IPO11: variants seen among roughly 807,000 people sequenced by gnomAD.
IPO11 encodes importin-11.
A neutral mutation model predicts 143.2 loss-of-function variants in IPO11; 66 were observed. The ratio of observed to expected loss-of-function variants is 0.46; its 90% confidence interval spans 0.38 to 0.57. IPO11 has a LOEUF of 0.57. Ranked by LOEUF, IPO11 falls within the 20% of genes least tolerant of loss-of-function variation. IPO11 has a pLI of 0.00. For synonymous variants in IPO11, 385 were observed against 377.8 expected (o/e 1.02, Z -0.22); for missense variants, 1,026 against 1,141.0 (o/e 0.90, Z 1.45).
chr5:62,555,266 G>T (rs1308990341), intron 26 of IPO11, among the ~76,000 whole-genome samples: 2 of 149,464 alleles, frequency 1.3e-5, no homozygotes, highest in African/African-American at 2.5e-5. Context: ...TGTATTTTTT[G>T]TATTTTTTTT....
At chr5:62,419,010 C>T (rs776513732) in intron 1 of IPO11, 1 of 1,550,148 alleles carries the variant, frequency 6.5e-7, no homozygotes, top group South Asian at 1.2e-5. Context: ...ATGAACAAAC[C>T]TAGATGGTAC....
At chr5:62,439,422 G>T (rs1219015091) in intron 2 of IPO11, among the ~76,000 whole-genome samples, 1 of 151,456 alleles carries the variant, frequency 6.6e-6, no homozygotes, top group East Asian at 2.0e-4. Flanking sequence ...GAGTAGCTGG[G>T]ACTACAGGTG....
intron 28 of IPO11, chr5:62,601,123 A>G (rs756825125): frequency 6.6e-6 from 1 of 152,214 alleles, no homozygotes; most frequent in Non-Finnish European, 1.5e-5. Flanking sequence ...GGATTGTTCC[A>G]TCAGTTTGAT....
intron 1 of IPO11, among the ~76,000 whole-genome samples, chr5:62,428,619 A>G (rs951869721): frequency 1.6e-4 from 25 of 151,876 alleles, no homozygotes; most frequent in Admixed American, 3.3e-4. Context: ...TGGGATTACA[A>G]GCGTGAGCCC....
chr5:62,444,898 G>GTA (rs955101347), intron 3 of IPO11, among the ~76,000 whole-genome samples: 13 of 149,428 alleles, frequency 8.7e-5, no homozygotes, highest in South Asian at 4.2e-4. Flanking sequence ...ATATATATAT[G>GTA]TATATATATA....
rs1303103865 is a variant in IPO11 at position 62,451,815 on chromosome 5, T to C, written c.398T>C (p.Ile133Thr). ...TGGCCTGAACTAATTCCCACTCTTA[T>C]AGAGTCTGTTAAAGTCCAGGATGAT... is the stretch of plus-strand genomic sequence containing the variant. ...RQWPELIPTL[I>T]ESVKVQDDLR... The change falls in exon 5 of 30, where the codon ATA becomes ACA. Residue 133 changes from isoleucine to threonine, a missense_variant. Transcript: ENST00000325324. 9 of 1,614,014 alleles carry C rather than the reference T, an allele frequency of 5.6e-6. No homozygotes were observed. Among genetic ancestry groups the C allele is most frequent in the Non-Finnish European group, 6.8e-6 (8 of 1,179,836 alleles).
chr5:62,551,436 T>C (rs1263341490), intron 26 of IPO11, 100 bp downstream of exon 26: 16 of 618,578 alleles, frequency 2.6e-5, no homozygotes, highest in Non-Finnish European at 8.4e-6. Context: ...CGCTTTGTAG[T>C]ATTTAGACCT....
intron 1 of IPO11, among the ~76,000 whole-genome samples, chr5:62,430,135 G>T (rs1243305487): frequency 6.6e-6 from 1 of 152,156 alleles, no homozygotes; most frequent in African/African-American, 2.4e-5. Context: ...GAATAATGTT[G>T]CAGTGAATAT....
intron 20 of IPO11, among the ~76,000 whole-genome samples, chr5:62,523,615 G>C (rs2112300964): frequency 6.6e-6 from 1 of 152,270 alleles, no homozygotes; most frequent in African/African-American, 2.4e-5. Context: ...CTTCTTTGAA[G>C]AAGAACCAGG....
chr5:62,579,263 TGC>T, intron 27 of IPO11: 2 of 631,634 alleles, frequency 3.2e-6, no homozygotes, highest in Admixed American at 2.9e-5. Context: ...CATTATTTTT[TGC>T]TATTACCATG....
chr5:62,457,666 G>C (rs902618536), intron 5 of IPO11, among the ~76,000 whole-genome samples: 1 of 152,092 alleles, frequency 6.6e-6, no homozygotes, highest in Non-Finnish European at 1.5e-5. Flanking sequence ...GTGTAAGATA[G>C]ATCACTCACC....
At chr5:62,573,683 AG>A (rs1224628220) in intron 27 of IPO11, among the ~76,000 whole-genome samples, 1 of 152,234 alleles carries the variant, frequency 6.6e-6, no homozygotes, top group Non-Finnish European at 1.5e-5. Context: ...TGAAAAGGTT[AG>A]CAATTTGGGT....
At chr5:62,572,338 C>A (rs1744157150) in intron 27 of IPO11, among the ~76,000 whole-genome samples, 1 of 152,120 alleles carries the variant, frequency 6.6e-6, no homozygotes, top group Non-Finnish European at 1.5e-5. Context: ...CTCTAGAAAT[C>A]AAGTGCATTT....
At chr5:62,483,864 T>G in intron 10 of IPO11, 146 bp from the exon 11 acceptor site, 7 of 652,820 alleles carry the variant, frequency 1.1e-5, no homozygotes, top group Non-Finnish European at 1.0e-5. Flanking sequence ...AGAGTATCTT[T>G]GAGATTTGTT....
At chr5:62,595,115 C>A (rs1745168393) in intron 28 of IPO11, among the ~76,000 whole-genome samples, 1 of 152,198 alleles carries the variant, frequency 6.6e-6, no homozygotes, top group Admixed American at 6.5e-5. Flanking sequence ...ATTCTCCTTC[C>A]TCAGTGCAGA....
rs34740276 is a variant in IPO11, at chr5:62,567,558, C to CTTT, written c.2582+6320_2582+6322dup. Among the ~76,000 whole-genome samples the CTTT allele has an allele frequency of 5.3e-3, 370 of 70,150 alleles. 30 individuals carry two copies. Among genetic ancestry groups the CTTT allele is most frequent in the African/African-American group, 0.022 (337 of 15,096 alleles). 46.0% of individuals were successfully genotyped at this position (70,150 alleles called of 152,430 possible). On this transcript the variant is annotated intron_variant, in intron 27 of 29. Transcript: ENST00000325324. ...TGAAGGTCAATGACTCTTACATTTCCTTTTTTTTTTTTTTTTTTTTTAAGA... is the reference window on the plus strand; with the variant it reads ...TGAAGGTCAATGACTCTTACATTTCCTTTTTTTTTTTTTTTTTTTTTTTTAAGA...
chr5:62,483,184 T>A lies in IPO11; in HGVS notation c.912T>A (p.Phe304Leu). ...RSLEFSVSYVFTEVGEGVTFE... is the reference protein window; with the variant it reads ...RSLEFSVSYVLTEVGEGVTFE... Reference sequence around the variant, plus strand: ...TGGAATTTTCTGTAAGCTATGTTTTTACAGAAGTTGGTGAAGGCGTTACAT... The same window carrying A: ...TGGAATTTTCTGTAAGCTATGTTTTAACAGAAGTTGGTGAAGGCGTTACAT... Residue 304 changes from phenylalanine (F) to leucine (L), a missense_variant, in exon 10 of 30, where the codon TTT becomes TTA. By Grantham distance (22) the Phe-to-Leu change is conservative. This residue lies in a region of IPO11 where 429 missense variants were observed against 456.3 expected (regional missense o/e 0.94). Coordinates refer to ENST00000325324, the MANE Select transcript of IPO11 (RefSeq NM_016338.5). 2 of 1,610,326 alleles carry A rather than the reference T, an allele frequency of 1.2e-6. No individual in the cohort carries two copies. Among genetic ancestry groups the A allele is most frequent in the Non-Finnish European group, 1.7e-6 (2 of 1,177,210 alleles).
chr5:62,530,672 A>C (rs1742514107), intron 21 of IPO11, 37 bp from the exon 22 acceptor site: 2 of 1,356,586 alleles, frequency 1.5e-6, no homozygotes, highest in African/African-American at 1.4e-5. Flanking sequence ...TTTAATGGGC[A>C]TGGAAAGTGG....
chr5:62,571,953 T>C (rs1294427591), intron 27 of IPO11, among the ~76,000 whole-genome samples: 1 of 152,226 alleles, frequency 6.6e-6, no homozygotes, highest in African/African-American at 2.4e-5. Flanking sequence ...CCCAGAGTGC[T>C]GGGATTACAG....
Sources: gnomAD v4.1 joint callset for allele counts (sites outside exome capture counted in the v4.1 genomes callset) on GRCh38, gnomAD v4.1.1 for gene constraint, gnomAD v4.1.1 regional missense constraint, MANE v1.5 for transcripts, NCBI Gene and HGNC (gene_info 2026-07-23, HGNC 2026-07-21) for gene names.